Variants in OPCML observed in about 807,000 individuals in gnomAD.
The protein encoded by OPCML is opioid-binding protein/cell adhesion molecule.
A neutral mutation model predicts 37.8 loss-of-function variants in OPCML; 13 were observed. The observed-to-expected ratio is 0.34, with a 90% CI of 0.22 to 0.55. OPCML has a LOEUF of 0.55. Among genes scored for constraint, OPCML ranks in the 20% least tolerant of loss-of-function variants. OPCML has a pLI of 0.91. For missense variants in OPCML, 341 were observed against 435.6 expected (o/e 0.78, Z 1.93); for synonymous variants, 176 against 168.8 (o/e 1.04, Z -0.33).
chr11:132,454,994 T>G (rs2096077964), intron 4 of OPCML, among the ~76,000 whole-genome samples: 1 of 152,186 alleles, frequency 6.6e-6, no homozygotes, highest in Non-Finnish European at 1.5e-5. Context: ...TGTAATTTCA[T>G]GAACAGAGTA....
At chr11:133,411,852 T>C (rs898653082) in intron 1 of OPCML, among the ~76,000 whole-genome samples, 2 of 152,184 alleles carry the variant, frequency 1.3e-5, no homozygotes, top group Non-Finnish European at 2.9e-5. Context: ...CTGTTTATTG[T>C]CTTTGACTGA....
At chr11:132,439,023 G>A (rs185554755) in intron 4 of OPCML, among the ~76,000 whole-genome samples, 3 of 152,148 alleles carry the variant, frequency 2.0e-5, no homozygotes. Context: ...CTGCAAATCA[G>A]CACCGTTCTG....
intron 1 of OPCML, among the ~76,000 whole-genome samples, chr11:133,234,219 T>TAA (rs1320181868): frequency 2.1e-5 from 3 of 142,078 alleles, no homozygotes; most frequent in African/African-American, 5.1e-5. Flanking sequence ...TTTTGTTTTC[T>TAA]AAAAAAAAAA....
chr11:133,005,539 T>A, intron 1 of OPCML: 2 of 985,360 alleles, frequency 2.0e-6, no homozygotes, highest in Non-Finnish European at 2.4e-6. Flanking sequence ...TGCATTTCCA[T>A]AGCTAAGACA....
At chr11:133,423,872 A>G (rs886941642) in intron 1 of OPCML, among the ~76,000 whole-genome samples, 1 of 151,852 alleles carries the variant, frequency 6.6e-6, no homozygotes, top group African/African-American at 2.4e-5. Context: ...CACCCCCTCT[A>G]TTTGGCTCCC....
At chr11:133,210,622 C>G (rs1939314365) in intron 1 of OPCML, among the ~76,000 whole-genome samples, 1 of 152,174 alleles carries the variant, frequency 6.6e-6, no homozygotes, top group African/African-American at 2.4e-5. Context: ...CCTGTTCCAT[C>G]AAAGTTGAAA....
chr11:133,273,056 C>G (rs1941896067), intron 1 of OPCML, among the ~76,000 whole-genome samples: 3 of 152,100 alleles, frequency 2.0e-5, no homozygotes, highest in Admixed American at 2.0e-4. Context: ...TGCATTTAAT[C>G]TCGGAAGGCT....
intron 3 of OPCML, among the ~76,000 whole-genome samples, chr11:132,629,717 C>G (rs1939977000): frequency 6.6e-6 from 1 of 152,102 alleles, no homozygotes; most frequent in Non-Finnish European, 1.5e-5. Context: ...GATACTCTGT[C>G]ATCTTTGGTT....
chr11:132,484,524 T>G (rs2096192880), intron 4 of OPCML, among the ~76,000 whole-genome samples: 1 of 152,310 alleles, frequency 6.6e-6, no homozygotes, highest in Middle Eastern at 3.4e-3. Context: ...TCCTCAGGGA[T>G]CTAGAACTAG....
chr11:133,344,772 A>G (rs536457622), intron 1 of OPCML, among the ~76,000 whole-genome samples: 26 of 152,318 alleles, frequency 1.7e-4, no homozygotes, highest in Middle Eastern at 3.4e-3. Flanking sequence ...GACCTAGCTA[A>G]AAGTAAAACC....
intron 1 of OPCML, among the ~76,000 whole-genome samples, chr11:132,944,037 G>C (rs142744114): frequency 0.12 from 17,570 of 151,842 alleles, 1,352 homozygotes; most frequent in Non-Finnish European, 0.17. Context: ...TCATCCCGAC[G>C]GGCGGGCGCC....
chr11:132,586,088 C>G (rs990706300), intron 3 of OPCML, among the ~76,000 whole-genome samples: 8 of 152,068 alleles, frequency 5.3e-5, no homozygotes, highest in Admixed American at 5.2e-4. Flanking sequence ...GTCCACAGAC[C>G]CACATGGGGA....
intron 1 of OPCML, among the ~76,000 whole-genome samples, chr11:133,052,847 C>T (rs1363336959): frequency 6.6e-6 from 1 of 152,238 alleles, no homozygotes; most frequent in Non-Finnish European, 1.5e-5. Flanking sequence ...GAGTGGAAAG[C>T]AGAGGCCTGA....
intron 1 of OPCML, among the ~76,000 whole-genome samples, chr11:133,480,572 G>A (rs1177829717): frequency 1.3e-5 from 2 of 152,186 alleles, no homozygotes. Flanking sequence ...CATCACTCAG[G>A]CTCTTGTTCT....
In OPCML at chr11:133,212,042, A is replaced by G. The variant is rs1273181609; in HGVS notation, c.62-269032T>C. ...GACCGTGCCAGCTGTCACTTTTACA[A>G]TCTCCATCACTCTAAGCAGAGCCTT... On this transcript the variant is annotated intron_variant, in intron 1 of 7. Coordinates refer to ENST00000524381, the MANE Select transcript of OPCML (RefSeq NM_001012393.5). The surrounding 1 kb of genome is among the most constrained non-coding windows in gnomAD (Gnocchi z 4.9). Among the ~76,000 whole-genome samples the G allele has an allele frequency of 6.7e-6, 1 of 150,316 alleles. No homozygotes were observed.
intron 4 of OPCML, among the ~76,000 whole-genome samples, chr11:132,508,810 T>C (rs2096262843): frequency 6.6e-6 from 1 of 152,144 alleles, no homozygotes. Flanking sequence ...CTCTTTTTCT[T>C]CCCAGTCTTG....
intron 1 of OPCML, among the ~76,000 whole-genome samples, chr11:132,944,374 G>T (rs1385566787): frequency 1.3e-5 from 2 of 152,144 alleles, no homozygotes; most frequent in Admixed American, 6.5e-5. Context: ...TGTCCATCGC[G>T]CTGCGAACGG....
chr11:132,673,073 C>A (rs1227343707), intron 2 of OPCML, among the ~76,000 whole-genome samples: 1 of 152,116 alleles, frequency 6.6e-6, no homozygotes, highest in Non-Finnish European at 1.5e-5. Context: ...GTCATCAATG[C>A]ATATTAGCAA....
intron 3 of OPCML, among the ~76,000 whole-genome samples, chr11:132,571,845 A>C (rs1047337433): frequency 6.6e-6 from 1 of 152,158 alleles, no homozygotes; most frequent in South Asian, 2.1e-4. Flanking sequence ...AGGAACCTCT[A>C]TATTGTTTTT....
Sources: allele counts gnomAD v4.1 joint callset (sites outside exome capture counted in the v4.1 genomes callset), GRCh38; gene constraint gnomAD v4.1.1; non-coding constraint Gnocchi (gnomAD v3.1); transcripts MANE v1.5; gene names NCBI Gene and HGNC (gene_info 2026-07-23, HGNC 2026-07-21).